ZBTB20: variants seen among roughly 807,000 people sequenced by gnomAD.
ZBTB20 encodes the protein zinc finger and BTB domain containing 20.
ZBTB20 carries 9 observed loss-of-function variants against 56.9 expected under a neutral mutation model. The ratio of observed to expected loss-of-function variants is 0.16; its 90% CI spans 0.10 to 0.28. The LOEUF (loss-of-function observed/expected upper bound fraction) is 0.28. ZBTB20 is among the 10% of genes least tolerant of loss of function. The pLI is 1.00. For synonymous variants in ZBTB20, 417 were observed against 420.7 expected, an observed-to-expected ratio of 0.99 and a Z score of 0.11; for missense variants, 655 against 1,003.0, an observed-to-expected ratio of 0.65 and a Z score of 4.69.
chr3:114,997,145 GA>G (rs2079061004), intron 2 of ZBTB20, among the ~76,000 whole-genome samples: 1 of 151,784 alleles, frequency 6.6e-6, no homozygotes, highest in Non-Finnish European at 1.5e-5. Context: ...GTTTAACTTG[GA>G]AAACAGAAGA....
chr3:115,026,062 T>C (rs2080409470), intron 2 of ZBTB20, among the ~76,000 whole-genome samples: 1 of 151,042 alleles, frequency 6.6e-6, no homozygotes, highest in African/African-American at 2.4e-5. Context: ...AAGTCAGGTA[T>C]ATGTCTACAC....
At position 114,339,511 on chromosome 3, in the gene ZBTB20, C is replaced by A. The variant is rs1256657297; in HGVS notation, c.1805-85G>T. ...ATGAAGGACAGGAAAAACAAGACAA[C>A]AAAAAAGAAAAATAAAACAATTAAA... is the stretch of plus-strand genomic sequence containing the variant. On this transcript the variant is annotated intron_variant, in intron 11 of 11. Transcript: ENST00000675478. This position sits in a 1 kb window ranked among gnomAD's most constrained non-coding sequence, Gnocchi z 4.2. The A allele has an allele frequency of 2.9e-6, 4 of 1,398,216 alleles. No homozygotes were observed. Among genetic ancestry groups the A allele is most frequent in the Admixed American group, 2.5e-5 (1 of 39,354 alleles). The allele number at this position is 1,398,216 out of a possible 1,614,324, so 86.6% of individuals were successfully genotyped here. A position where few individuals can be genotyped will look rare whatever the true frequency, so the allele number is the denominator to read the frequency against.
At chr3:114,613,903 C>G (rs2057737534) in intron 6 of ZBTB20, among the ~76,000 whole-genome samples, 2 of 151,980 alleles carry the variant, frequency 1.3e-5, no homozygotes, top group African/African-American at 4.8e-5. Flanking sequence ...TTATTATATA[C>G]TAGGTATTGG....
At chr3:114,877,656 A>C (rs1176468308) in intron 4 of ZBTB20, among the ~76,000 whole-genome samples, 3 of 152,232 alleles carry the variant, frequency 2.0e-5, no homozygotes, top group Admixed American at 6.5e-5. Flanking sequence ...ATATAAGCAC[A>C]AAAGAAAGGT....
rs905090505 is a variant in ZBTB20, at chr3:114,334,989, G to A, written c.*4016C>T. 1.3e-5 allele frequency: 2 copies of A among 151,842 alleles called. No individual in the cohort carries two copies. The highest frequency in any genetic ancestry group is 4.8e-5 in the African/African-American group (2 of 41,292). 9.4% of individuals were successfully genotyped at this position (151,842 alleles called of 1,614,324 possible). On this transcript the variant is annotated 3_prime_UTR_variant, in exon 12 of 12. Transcript: ENST00000675478. ...TTAGGATTATATTTCACACATTTGG[G>A]GGCCTTTTTTGTACAAATATTGGCA...
chr3:114,485,758 C>G (rs940737902), intron 7 of ZBTB20, among the ~76,000 whole-genome samples: 2 of 152,080 alleles, frequency 1.3e-5, no homozygotes, highest in African/African-American at 4.8e-5. Flanking sequence ...TTTTCCTCTT[C>G]CACCCTTTGC....
At chr3:114,528,765 G>C (rs894456171) in intron 6 of ZBTB20, 1 of 152,184 alleles carries the variant, frequency 6.6e-6, no homozygotes, top group Non-Finnish European at 1.5e-5. Flanking sequence ...TGAGGACAAA[G>C]TCTCTCTCTG....
At chr3:114,981,448 A>AGG (rs2078322951) in intron 2 of ZBTB20, among the ~76,000 whole-genome samples, 1 of 152,128 alleles carries the variant, frequency 6.6e-6, no homozygotes, top group Non-Finnish European at 1.5e-5. Context: ...GTGCTGCTTT[A>AGG]AAATCATTCC....
At chr3:114,376,495 C>T (rs956313371) in intron 10 of ZBTB20, among the ~76,000 whole-genome samples, 28 of 152,078 alleles carry the variant, frequency 1.8e-4, no homozygotes, top group African/African-American at 6.5e-4. Flanking sequence ...CAAAATGAGC[C>T]AAGTGTACTA....
At chr3:114,692,550 A>G (rs1578372066) in intron 6 of ZBTB20, among the ~76,000 whole-genome samples, 1 of 152,172 alleles carries the variant, frequency 6.6e-6, no homozygotes, top group Non-Finnish European at 1.5e-5. Context: ...TATGATGTTC[A>G]TGACTAAACA....
intron 3 of ZBTB20, among the ~76,000 whole-genome samples, chr3:114,920,247 T>A (rs925073684): frequency 1.3e-5 from 2 of 152,116 alleles, no homozygotes; most frequent in Non-Finnish European, 2.9e-5. Context: ...AGGGAAACAG[T>A]GGTCTTTAAA....
intron 7 of ZBTB20, among the ~76,000 whole-genome samples, chr3:114,421,725 C>T (rs952324924): frequency 6.6e-6 from 1 of 151,888 alleles, no homozygotes; most frequent in Non-Finnish European, 1.5e-5. Context: ...TACATCAGGA[C>T]ACATTCAAAA....
At chr3:115,042,018 G>A (rs2081164147) in intron 2 of ZBTB20, among the ~76,000 whole-genome samples, 2 of 151,952 alleles carry the variant, frequency 1.3e-5, no homozygotes, top group African/African-American at 4.8e-5. Flanking sequence ...TCCATCCCCA[G>A]CTAAGAATCC....
In ZBTB20 at chr3:114,748,974, T is replaced by A. The variant is rs77198964; in HGVS notation, c.-343+52127A>T. Among the ~76,000 whole-genome samples the A allele has an allele frequency of 3.9e-4, 59 of 152,254 alleles. No homozygotes were observed. The East Asian group carries it at 9.1e-3, about 23-fold the overall frequency. On this transcript the variant is annotated intron_variant, in intron 5 of 11. Coordinates refer to ENST00000675478, the MANE Select transcript of ZBTB20 (RefSeq NM_001348800.3). ...CTTGGTGGGAAAAAGGCCTACAGGA[T>A]ATGTTTGTTAAGAATAATTAGATTT...
At chr3:114,895,080 A>T (rs552818602) in intron 4 of ZBTB20, among the ~76,000 whole-genome samples, 1 of 152,304 alleles carries the variant, frequency 6.6e-6, no homozygotes. Flanking sequence ...TATAATTAAG[A>T]TCATCTAGTT....
chr3:114,745,971 G>T (rs1418791085), intron 5 of ZBTB20, among the ~76,000 whole-genome samples: 1 of 152,158 alleles, frequency 6.6e-6, no homozygotes. Flanking sequence ...TCTCAGAACA[G>T]ACTTTAGTAA....
In ZBTB20 at chr3:114,353,937, G is replaced by A. The variant is rs139075125; in HGVS notation, c.200-2059C>T. Among the ~76,000 whole-genome samples the A allele has an allele frequency of 9.7e-4, 148 of 152,324 alleles. 4 individuals carry two copies. The highest frequency in any genetic ancestry group is 7.8e-3 in the Admixed American group (119 of 15,298). On this transcript the variant is annotated intron_variant, in intron 10 of 11. Transcript: ENST00000675478. Reference sequence around the variant, plus strand: ...TTTAAACCCAGGCAGTCTGGCTCTAGAGTTCACCCTCTTAACTGCTTCATT... The same window carrying A: ...TTTAAACCCAGGCAGTCTGGCTCTAAAGTTCACCCTCTTAACTGCTTCATT...
intron 4 of ZBTB20, among the ~76,000 whole-genome samples, chr3:114,836,736 A>G (rs1486966257): frequency 6.6e-6 from 1 of 152,154 alleles, no homozygotes; most frequent in Admixed American, 6.5e-5. Flanking sequence ...ATCACGAACA[A>G]AAATCACAAT....
chr3:114,671,943 T>G (rs539944559), intron 6 of ZBTB20, among the ~76,000 whole-genome samples: 8 of 152,252 alleles, frequency 5.3e-5, no homozygotes, highest in African/African-American at 1.9e-4. Flanking sequence ...TTCTGGTTTC[T>G]GAAAACCCCA....
Sources: gnomAD v4.1 joint callset for allele counts (sites outside exome capture counted in the v4.1 genomes callset) on GRCh38, gnomAD v4.1.1 for gene constraint, Gnocchi (gnomAD v3.1) non-coding constraint, MANE v1.5 for transcripts, NCBI Gene and HGNC (gene_info 2026-07-23, HGNC 2026-07-21) for gene names.